The following WSCD1 variants were observed in gnomAD, a reference collection of about 807,000 sequenced individuals.
WSCD1 encodes the protein sialate:O-sulfotransferase 1.
Under a neutral mutation model 60.4 loss-of-function variants are expected in WSCD1, and 41 were observed. That is an observed-to-expected ratio of 0.68 (90% confidence interval 0.53 to 0.88). The LOEUF (loss-of-function observed/expected upper bound fraction) is 0.88, where lower values mean the gene tolerates loss of function less well. WSCD1 is among the 40% of genes least tolerant of loss of function. The pLI is 0.00. For synonymous variants in WSCD1, 361 were observed against 332.5 expected, an observed-to-expected ratio of 1.09 and a Z score of -0.93; for missense variants, 784 against 796.2, an observed-to-expected ratio of 0.98 and a Z score of 0.18.
chr17:6,081,604 G>T (rs1422974635), intron 2 of WSCD1, among the ~76,000 whole-genome samples: 3 of 151,926 alleles, frequency 2.0e-5, no homozygotes, highest in African/African-American at 7.2e-5. Context: ...CCAGCTGCTC[G>T]AGAGGCTGAG....
At chr17:6,108,012 G>T (rs2150563605) in intron 5 of WSCD1, among the ~76,000 whole-genome samples, 2 of 152,278 alleles carry the variant, frequency 1.3e-5, no homozygotes, top group South Asian at 4.1e-4. Context: ...AGAGTCGGGA[G>T]AGGCTTTCCT....
At chr17:6,116,763 G>C (rs897396857) in intron 7 of WSCD1, among the ~76,000 whole-genome samples, 1 of 152,228 alleles carries the variant, frequency 6.6e-6, no homozygotes, top group Admixed American at 6.5e-5. Context: ...GCATCAAAGC[G>C]TCCCTCAGTG....
At position 6,110,791 on chromosome 17, in the gene WSCD1, A is replaced by G. The variant is rs201319216; in HGVS notation, c.1030A>G (p.Arg344Gly). The part of the protein sequence containing the change: ...PVQDTRCTDR[R>G]FLPNKSKVFV... ...TTCAGACACTCGTTGTACAGACAGG[A>G]GGTTCCTGCCTAACAAATCCAAAGT... is the stretch of plus-strand genomic sequence containing the variant. The change falls in exon 7 of 9, where the codon AGG (arginine) becomes GGG (glycine). Residue 344 changes from arginine (R) to glycine (G), a missense_variant. Arg to Gly is a moderately radical substitution (Grantham distance 125, BLOSUM62 -2). Transcript: ENST00000317744. This position sits in a 1 kb window ranked among gnomAD's most constrained non-coding sequence, Gnocchi z 4.8. 199 of 1,613,508 alleles carry G rather than the reference A, an allele frequency of 1.2e-4. No individual in the cohort carries two copies. Among genetic ancestry groups the G allele is most frequent in the Non-Finnish European group, 1.6e-4 (188 of 1,179,606 alleles).
intron 2 of WSCD1, among the ~76,000 whole-genome samples, chr17:6,083,939 G>A (rs1909450663): frequency 6.6e-6 from 1 of 152,166 alleles, no homozygotes; most frequent in Non-Finnish European, 1.5e-5. Context: ...AGGGGCTCTA[G>A]TAAAAGCTAG....
intron 5 of WSCD1, among the ~76,000 whole-genome samples, chr17:6,106,444 A>G (rs1388716016): frequency 3.3e-5 from 5 of 152,264 alleles, no homozygotes; most frequent in Non-Finnish European, 7.3e-5. Flanking sequence ...ATCCACAGAC[A>G]CAGATAACAA....
At position 6,114,079 on chromosome 17, in the gene WSCD1, T is replaced by A. The variant is rs1320332704; in HGVS notation, c.1174+3144T>A. ...AGCACCATACACAATAGCCAAGGTATGGAATCAACCTTAGTATCTATCAAT... is the reference window on the plus strand; with the variant it reads ...AGCACCATACACAATAGCCAAGGTAAGGAATCAACCTTAGTATCTATCAAT... On this transcript the variant is annotated intron_variant, in intron 7 of 8. Coordinates refer to ENST00000317744, the MANE Select transcript of WSCD1 (RefSeq NM_015253.2). Among the ~76,000 whole-genome samples the A allele has an allele frequency of 1.0e-4, 15 of 148,608 alleles. No individual in the cohort carries two copies. The South Asian group carries it at 3.2e-3, about 31-fold the overall frequency.
At position 6,090,348 on chromosome 17, in the gene WSCD1, C is replaced by T. The variant is rs146867797; in HGVS notation, c.570C>T (p.Ala190=). Residue 190 remains alanine (A), a synonymous_variant, in exon 4 of 9, where the codon GCC becomes GCT. Transcript: ENST00000317744. ...ERSYVYAGLE[A]GAECYCGNRL... ...CCTATGTCTACGCCGGCTTGGAGGC[C>T]GGGGCGGAGTGTTACTGCGGGAACC... 1.6e-5 allele frequency: 26 copies of T among 1,605,230 alleles called. No individual in the cohort carries two copies. The highest frequency in any genetic ancestry group is 4.5e-5 in the East Asian group (2 of 44,104).
At chr17:6,087,591 CA>C (rs1909741103) in intron 2 of WSCD1, among the ~76,000 whole-genome samples, 1 of 152,200 alleles carries the variant, frequency 6.6e-6, no homozygotes, top group Non-Finnish European at 1.5e-5. Flanking sequence ...CCCTGTCTCT[CA>C]GGGCATTTGC....
chr17:6,097,387 G>A (rs1365655275), intron 5 of WSCD1, among the ~76,000 whole-genome samples: 1 of 152,246 alleles, frequency 6.6e-6, no homozygotes, highest in Non-Finnish European at 1.5e-5. Flanking sequence ...GGATTGTCCT[G>A]GCTTCTCATG....
intron 5 of WSCD1, among the ~76,000 whole-genome samples, chr17:6,100,492 G>A (rs558547817): frequency 2.2e-4 from 34 of 152,182 alleles, no homozygotes; most frequent in Non-Finnish European, 4.0e-4. Context: ...CGCTTGTCTC[G>A]CCCGTGGATG....
In WSCD1 at chr17:6,080,917, A is replaced by T. The variant is rs895628797; in HGVS notation, c.259A>T (p.Met87Leu). The change falls in exon 2 of 9, where the codon ATG becomes TTG. Residue 87 changes from methionine to leucine, a missense_variant. Transcript: ENST00000317744. The surrounding 1 kb of genome is among the most constrained non-coding windows in gnomAD (Gnocchi z 6.6). ...CCCAGAGCTGCTGCTGGGTGTGGACATGCTGCAGAGCCCCCTGACCCGGCC... is the reference window on the plus strand; with the variant it reads ...CCCAGAGCTGCTGCTGGGTGTGGACTTGCTGCAGAGCCCCCTGACCCGGCC... ...VSPELLLGVD[M>L]LQSPLTRPRP... 2 of 1,593,940 alleles carry T rather than the reference A, an allele frequency of 1.3e-6. No individual in the cohort carries two copies. Among genetic ancestry groups the T allele is most frequent in the African/African-American group, 2.7e-5 (2 of 74,814 alleles).
At position 6,120,335 on chromosome 17, in the gene WSCD1, G is replaced by A. The variant is rs999457236; in HGVS notation, c.1402G>A (p.Ala468Thr). Residue 468 changes from alanine to threonine, a missense_variant, in exon 9 of 9, where the codon GCC becomes ACC. Transcript: ENST00000317744. ...KEWPDFVNSYASWWSSHVLDW... is the reference protein window; with the variant it reads ...KEWPDFVNSYTSWWSSHVLDW... ...GTGGCCGGACTTTGTCAACAGCTAC[G>A]CCTCGTGGTGGTCCTCGCACGTCCT... The A allele has an allele frequency of 3.7e-6, 6 of 1,613,936 alleles. No individual in the cohort carries two copies. The highest frequency in any genetic ancestry group is 3.4e-6 in the Non-Finnish European group (4 of 1,179,942).
chr17:6,087,132 CT>C (rs1281483088), intron 2 of WSCD1, among the ~76,000 whole-genome samples: 1 of 152,208 alleles, frequency 6.6e-6, no homozygotes, highest in Non-Finnish European at 1.5e-5. Context: ...CATGCCGCTC[CT>C]TCAAAACACT....
At chr17:6,090,666 G>C (rs1029618619) in intron 4 of WSCD1, among the ~76,000 whole-genome samples, 161 bp downstream of exon 4, 1 of 152,160 alleles carries the variant, frequency 6.6e-6, no homozygotes, top group Non-Finnish European at 1.5e-5. Flanking sequence ...TGGCAGGGCA[G>C]GGATGGGGTT....
chr17:6,115,173 G>A (rs7224614), intron 7 of WSCD1, among the ~76,000 whole-genome samples: 70,552 of 152,040 alleles, frequency 0.46, 17,152 homozygotes, highest in East Asian at 0.73. Context: ...AAGGCAGCCC[G>A]AGGACCCCAC....
chr17:6,085,100 G>A (rs1407391853), intron 2 of WSCD1: 2 of 152,126 alleles, frequency 1.3e-5, no homozygotes, highest in Non-Finnish European at 2.9e-5. Context: ...TAATTATTCA[G>A]CTAATATTTA....
intron 1 of WSCD1, among the ~76,000 whole-genome samples, chr17:6,077,367 A>T (rs949045362): frequency 6.6e-6 from 1 of 152,142 alleles, no homozygotes. Flanking sequence ...GATTACAGGC[A>T]TGAGCCACTA....
chr17:6,072,029 A>T (rs1908576389), intron 1 of WSCD1, among the ~76,000 whole-genome samples: 1 of 152,218 alleles, frequency 6.6e-6, no homozygotes, highest in South Asian at 2.1e-4. Context: ...TCTCCGCCAG[A>T]AGGCTCTCAC....
At position 6,122,676 on chromosome 17, in the gene WSCD1, TGACCGGGACTG is replaced by T. The variant is rs2150576152; in HGVS notation, c.*2018_*2028del. ...GAAGGGCAAAGTGTGGAGAGAGGAG[TGACCGGGACTG>T]GAGCCAGGGTCTGGGGAGAGCAACA... On this transcript the variant is annotated 3_prime_UTR_variant, in exon 9 of 9. Coordinates refer to ENST00000317744, the MANE Select transcript of WSCD1 (RefSeq NM_015253.2). 1 of 152,200 alleles carries T rather than the reference TGACCGGGACTG, an allele frequency of 6.6e-6. No homozygotes were observed. Among genetic ancestry groups the T allele is most frequent in the Admixed American group, 6.6e-5 (1 of 15,252 alleles). The allele number at this position is 152,200 out of a possible 1,614,324, so 9.4% of individuals were successfully genotyped here. A position where few individuals can be genotyped will look rare whatever the true frequency, so the allele number is the denominator to read the frequency against.
Sources: allele counts gnomAD v4.1 joint callset (sites outside exome capture counted in the v4.1 genomes callset), GRCh38; gene constraint gnomAD v4.1.1; non-coding constraint Gnocchi (gnomAD v3.1); transcripts MANE v1.5; gene names NCBI Gene and HGNC (gene_info 2026-07-23, HGNC 2026-07-21).